FTCDNL1: variants seen among roughly 807,000 people sequenced by gnomAD.
FTCDNL1 encodes the protein formiminotransferase cyclodeaminase N-terminal like.
Under a neutral mutation model 5.9 loss-of-function variants are expected in FTCDNL1, and 11 were observed. The ratio of observed to expected loss-of-function variants is 1.87; its 90% CI spans 1.18 to 3.10. The LOEUF (loss-of-function observed/expected upper bound fraction) is 3.10, where lower values mean the gene tolerates loss of function less well. Among genes scored for constraint, FTCDNL1 ranks in the 30% most tolerant of loss-of-function variants. FTCDNL1 has a pLI of 0.00. For synonymous variants in FTCDNL1, 58 were observed against 24.8 expected (o/e 2.34, Z -3.99); for missense variants, 115 against 65.5 (o/e 1.76, Z -2.61).
chr2:199,750,683 G>A, the FTCDNL1 span, among the ~76,000 whole-genome samples: 1 of 152,180 alleles, frequency 6.6e-6, no homozygotes, highest in Admixed American at 6.5e-5. Context: ...AGCCAGGTAG[G>A]GGCCCTGAAG....
the FTCDNL1 span, among the ~76,000 whole-genome samples, chr2:199,751,549 T>A: frequency 6.6e-6 from 1 of 151,906 alleles, no homozygotes; most frequent in African/African-American, 2.4e-5. Flanking sequence ...GAAGGACAGG[T>A]CAGGCACAGC....
intron 3 of FTCDNL1, among the ~76,000 whole-genome samples, chr2:199,832,969 A>G (rs62178317): frequency 1.3e-5 from 2 of 150,798 alleles, no homozygotes; most frequent in Non-Finnish European, 2.9e-5. Flanking sequence ...TCAGCTCCCT[A>G]ATTTTTTTTT....
At chr2:199,688,555 T>A in the FTCDNL1 span, among the ~76,000 whole-genome samples, 1 of 152,160 alleles carries the variant, frequency 6.6e-6, no homozygotes, top group African/African-American at 2.4e-5. Context: ...AATGGTATTA[T>A]CTGTACAGTT....
At chr2:199,776,353 C>T (rs148323645) in intron 3 of FTCDNL1, among the ~76,000 whole-genome samples, 1 of 152,166 alleles carries the variant, frequency 6.6e-6, no homozygotes, top group Non-Finnish European at 1.5e-5. Flanking sequence ...CATACATCCC[C>T]AAAACAACAC....
chr2:199,742,425 G>A, the FTCDNL1 span, among the ~76,000 whole-genome samples: 9 of 152,040 alleles, frequency 5.9e-5, no homozygotes, highest in East Asian at 3.9e-4. Flanking sequence ...TAGAATGTTC[G>A]GGGATCAACG....
In FTCDNL1 at chr2:199,776,433, C is replaced by T. The variant is rs1699075169; in HGVS notation, c.212-15598G>A. Among the ~76,000 whole-genome samples, 3 of 152,220 alleles carry T rather than the reference C, an allele frequency of 2.0e-5. No individual in the cohort carries two copies. In the South Asian group the frequency reaches 6.2e-4, roughly 32 times the overall value. On this transcript the variant is annotated intron_variant, in intron 3 of 3. Transcript: ENST00000416668. ...TCGTGTTGCCAATTAATCATTCTAA[C>T]AGCTTATGTCCCATGAAAAATGGCA... is the stretch of plus-strand genomic sequence containing the variant.
chr2:199,709,442 A>T, the FTCDNL1 span, among the ~76,000 whole-genome samples: 1 of 152,090 alleles, frequency 6.6e-6, no homozygotes, highest in East Asian at 1.9e-4. Context: ...TACTAGAAAG[A>T]GAGGATAGAG....
At chr2:199,786,809 T>C (rs1263237423) in intron 3 of FTCDNL1, among the ~76,000 whole-genome samples, 4 of 152,250 alleles carry the variant, frequency 2.6e-5, no homozygotes, top group Non-Finnish European at 5.9e-5. Context: ...GCTACCATCA[T>C]AATGCCTGGA....
chr2:199,784,676 A>G (rs565896259), intron 3 of FTCDNL1, among the ~76,000 whole-genome samples: 51 of 152,272 alleles, frequency 3.3e-4, no homozygotes, highest in African/African-American at 1.0e-3. Context: ...ACTTGCCCCA[A>G]TTGAGGCGGG....
chr2:199,786,306 G>A (rs980034888), intron 3 of FTCDNL1, among the ~76,000 whole-genome samples: 6 of 151,742 alleles, frequency 4.0e-5, no homozygotes, highest in Non-Finnish European at 8.8e-5. Flanking sequence ...ACTTTAAAAA[G>A]GGGTGTCACT....
At chr2:199,762,862 TC>T (rs1186087232) in intron 3 of FTCDNL1, among the ~76,000 whole-genome samples, 6 of 152,186 alleles carry the variant, frequency 3.9e-5, no homozygotes, top group African/African-American at 1.4e-4. Flanking sequence ...GGTAATAGCA[TC>T]CTGAAAACTG....
rs62178289 is a variant in FTCDNL1, at chr2:199,774,984, C to T, written c.212-14149G>A. ...TAACAAACCCTGAGATATTTAAGTGCATTCCTTCTACTGCTATCCCATCCC... is the reference window on the plus strand; with the variant it reads ...TAACAAACCCTGAGATATTTAAGTGTATTCCTTCTACTGCTATCCCATCCC... On this transcript the variant is annotated intron_variant, in intron 3 of 3. Transcript: ENST00000416668. Among the ~76,000 whole-genome samples, 1,062 of 152,288 alleles carry T rather than the reference C, an allele frequency of 7.0e-3. 3 individuals are homozygous for T. The highest frequency in any genetic ancestry group is 0.011 in the Non-Finnish European group (723 of 68,018).
At chr2:199,751,747 G>A in the FTCDNL1 span, among the ~76,000 whole-genome samples, 1 of 150,596 alleles carries the variant, frequency 6.6e-6, no homozygotes, top group Non-Finnish European at 1.5e-5. Flanking sequence ...GTTCCGCGAG[G>A]TAACAGGGCC....
At chr2:199,801,003 G>C (rs530550656) in intron 3 of FTCDNL1, among the ~76,000 whole-genome samples, 109 of 152,162 alleles carry the variant, frequency 7.2e-4, no homozygotes, top group Non-Finnish European at 1.4e-3. Flanking sequence ...CCAATAACTA[G>C]AAAGATTTTG....
chr2:199,790,286 T>G (rs1367493409), intron 3 of FTCDNL1, among the ~76,000 whole-genome samples: 3 of 151,844 alleles, frequency 2.0e-5, no homozygotes, highest in Non-Finnish European at 2.9e-5. Flanking sequence ...TCACCTGAGG[T>G]TGGGAGTTCG....
intron 4 of FTCDNL1, among the ~76,000 whole-genome samples, chr2:199,813,933 A>C (rs1701194021): frequency 1.3e-5 from 1 of 74,940 alleles, no homozygotes; most frequent in South Asian, 5.2e-4. Flanking sequence ...AAAAAAAAAA[A>C]AAAAAAAAAA....
the FTCDNL1 span, among the ~76,000 whole-genome samples, chr2:199,715,919 T>C: frequency 6.6e-6 from 1 of 152,036 alleles, no homozygotes; most frequent in African/African-American, 2.4e-5. Flanking sequence ...GTGCTGTCTT[T>C]ACATTTTCTT....
the FTCDNL1 span, among the ~76,000 whole-genome samples, chr2:199,675,438 T>C: frequency 1.3e-5 from 2 of 152,126 alleles, no homozygotes; most frequent in Non-Finnish European, 2.9e-5. Context: ...TTAATAAATT[T>C]AATTTAATCT....
At chr2:199,765,556 A>ATATATATATATATATATATATATATATTT in intron 3 of FTCDNL1, among the ~76,000 whole-genome samples, 1 of 42,666 alleles carries the variant, frequency 2.3e-5, no homozygotes, top group African/African-American at 6.4e-5. Flanking sequence ...ATATATATAT[A>ATATATATATATATATATATATATATATTT]TTTTTTTTTT....
Sources: gnomAD v4.1 joint callset for allele counts (sites outside exome capture counted in the v4.1 genomes callset) on GRCh38, gnomAD v4.1.1 for gene constraint, MANE v1.5 for transcripts, NCBI Gene and HGNC (gene_info 2026-07-23, HGNC 2026-07-21) for gene names.